Variants in TBC1D2B observed in about 807,000 individuals in gnomAD.
TBC1D2B encodes the protein TBC1 domain family, member 2B.
A neutral mutation model predicts 100.8 loss-of-function variants in TBC1D2B; 64 were observed. The ratio of observed to expected loss-of-function variants is 0.64; its 90% CI spans 0.52 to 0.78. The LOEUF (loss-of-function observed/expected upper bound fraction) is 0.78, where lower values mean the gene tolerates loss of function less well. Among genes scored for constraint, TBC1D2B ranks in the 30% least tolerant of loss-of-function variants. The pLI, the probability that TBC1D2B is intolerant of heterozygous loss-of-function variation, is 0.00. For synonymous variants in TBC1D2B, 480 were observed against 479.7 expected (o/e 1.00, Z -0.01); for missense variants, 1,052 against 1,218.4 (o/e 0.86, Z 2.03).
chr15:78,013,090 C>T lies in TBC1D2B; in HGVS notation c.2003G>A (p.Arg668His), dbSNP rs2072276496. Residue 668 changes from arginine to histidine, a missense_variant, in exon 9 of 13, where the codon CGT becomes CAT. By Grantham distance (29) the Arg-to-His change is conservative. Around this residue, in one of 4 missense-constraint regions of TBC1D2B, gnomAD observed 373 missense variants for 464.9 expected, o/e 0.80. Coordinates refer to ENST00000300584, the MANE Select transcript of TBC1D2B (RefSeq NM_144572.2). ...CACACACCACTTCCACACCTTGGAA[C>T]GGTGCTCGTGGGGAATGCCCGCACG... ...LIRAGIPHEH[R>H]SKVWKWCVDR... 6.2e-7 allele frequency: 1 copy of T among 1,613,986 alleles called. No individual in the cohort carries two copies. The highest frequency in any genetic ancestry group is 8.5e-7 in the Non-Finnish European group (1 of 1,179,878).
chr15:78,055,477 T>C (rs1222443375), intron 1 of TBC1D2B, among the ~76,000 whole-genome samples: 2 of 152,124 alleles, frequency 1.3e-5, no homozygotes, highest in African/African-American at 4.8e-5. Context: ...TCATCAACAC[T>C]GGCATCCAGT....
At chr15:78,001,009 A>G (rs2071897960) in intron 12 of TBC1D2B, among the ~76,000 whole-genome samples, 1 of 152,200 alleles carries the variant, frequency 6.6e-6, no homozygotes, top group Non-Finnish European at 1.5e-5. Flanking sequence ...TGAAGCCTCA[A>G]GTCCTGAGAG....
At chr15:78,011,644 G>GTTT (rs773624522) in intron 9 of TBC1D2B, among the ~76,000 whole-genome samples, 4 of 127,548 alleles carry the variant, frequency 3.1e-5, no homozygotes, top group Admixed American at 8.2e-5. Flanking sequence ...CTAATTTTTT[G>GTTT]GTTTTTTTTT....
intron 10 of TBC1D2B, among the ~76,000 whole-genome samples, chr15:78,007,636 A>G (rs1038462377): frequency 3.3e-5 from 5 of 152,202 alleles, no homozygotes; most frequent in Admixed American, 6.5e-5. Context: ...ATCCCTCTAA[A>G]TATGTGTCAC....
At chr15:78,031,833 T>C (rs2141721028) in intron 3 of TBC1D2B, among the ~76,000 whole-genome samples, 1 of 152,200 alleles carries the variant, frequency 6.6e-6, no homozygotes, top group East Asian at 1.9e-4. Context: ...ACCATGGTTT[T>C]TGGATATTGG....
At chr15:78,000,580 T>C (rs563250468) in intron 12 of TBC1D2B, among the ~76,000 whole-genome samples, 1 of 152,342 alleles carries the variant, frequency 6.6e-6, no homozygotes, top group Admixed American at 6.5e-5. Flanking sequence ...TTAGTAAGCC[T>C]GAAACTATTA....
At chr15:78,003,790 C>G (rs1184493311) in intron 10 of TBC1D2B, among the ~76,000 whole-genome samples, 6 of 152,164 alleles carry the variant, frequency 3.9e-5, no homozygotes, top group Admixed American at 3.9e-4. Flanking sequence ...GGGAAATAGG[C>G]CACTGCAAGC....
chr15:78,026,374 C>A (rs548196408), intron 4 of TBC1D2B, among the ~76,000 whole-genome samples: 2 of 151,984 alleles, frequency 1.3e-5, no homozygotes, highest in African/African-American at 4.8e-5. Context: ...AGTTTGGTCC[C>A]CTGGCTCTCC....
In TBC1D2B at chr15:78,077,653, C is replaced by A; in HGVS notation, c.-1G>T. The A allele has an allele frequency of 3.0e-6, 3 of 987,460 alleles. No homozygotes were observed. Among genetic ancestry groups the A allele is most frequent in the Non-Finnish European group, 3.6e-6 (3 of 831,772 alleles). 61.2% of individuals were successfully genotyped at this position (987,460 alleles called of 1,614,324 possible). On this transcript the variant is annotated 5_prime_UTR_variant, in exon 1 of 13. Coordinates refer to ENST00000300584, the MANE Select transcript of TBC1D2B (RefSeq NM_144572.2). ...CCGCCCGGGCTCCGGCCCCCGGCATCGCTACCGCGCGCCAACCGTAGGCGC... is the reference window on the plus strand; with the variant it reads ...CCGCCCGGGCTCCGGCCCCCGGCATAGCTACCGCGCGCCAACCGTAGGCGC...
intron 8 of TBC1D2B, among the ~76,000 whole-genome samples, chr15:78,015,703 G>C (rs2072355356): frequency 6.6e-6 from 1 of 152,210 alleles, no homozygotes; most frequent in South Asian, 2.1e-4. Flanking sequence ...CTTGTAAAGT[G>C]AGGATAAAAA....
intron 1 of TBC1D2B, among the ~76,000 whole-genome samples, chr15:78,069,207 AG>A (rs1300567392): frequency 6.6e-6 from 1 of 152,214 alleles, no homozygotes; most frequent in Non-Finnish European, 1.5e-5. Flanking sequence ...CCACAGAGGA[AG>A]GAAACTGGTA....
intron 8 of TBC1D2B, among the ~76,000 whole-genome samples, chr15:78,013,736 A>C (rs1313771317): frequency 6.6e-6 from 1 of 152,244 alleles, no homozygotes. Context: ...GATTAAAAAA[A>C]AACAAAGAAT....
chr15:78,057,670 C>CT (rs1291257831), intron 1 of TBC1D2B, among the ~76,000 whole-genome samples: 8 of 152,118 alleles, frequency 5.3e-5, no homozygotes, highest in Non-Finnish European at 1.2e-4. Flanking sequence ...CTAGAGATCA[C>CT]TAGAAGACTT....
At chr15:78,033,092 G>GT (rs1201438016) in intron 3 of TBC1D2B, among the ~76,000 whole-genome samples, 1 of 152,104 alleles carries the variant, frequency 6.6e-6, no homozygotes, top group Non-Finnish European at 1.5e-5. Context: ...AATATTTAAA[G>GT]TTTTAAGTAT....
chr15:78,031,704 TAA>T (rs2072820890), intron 3 of TBC1D2B, among the ~76,000 whole-genome samples: 1 of 152,104 alleles, frequency 6.6e-6, no homozygotes, highest in African/African-American at 2.4e-5. Flanking sequence ...AATATTTCAT[TAA>T]AAGTTTTAAA....
In TBC1D2B at chr15:78,076,217, C is replaced by A. The variant is rs530542091; in HGVS notation, c.360+1076G>T. Among the ~76,000 whole-genome samples the A allele has an allele frequency of 2.6e-5, 4 of 152,292 alleles. No homozygotes were observed. In the South Asian group the frequency reaches 8.3e-4, roughly 32 times the overall value. On this transcript the variant is annotated intron_variant, in intron 1 of 12. Coordinates refer to ENST00000300584, the MANE Select transcript of TBC1D2B (RefSeq NM_144572.2). ...CACCAGGACTCCTGACTCTACTCTC[C>A]TGCTTCTACACTGTATCTCTCATTT... is the stretch of plus-strand genomic sequence containing the variant.
intron 9 of TBC1D2B, among the ~76,000 whole-genome samples, chr15:78,010,598 A>G (rs957327772): frequency 6.6e-6 from 1 of 152,032 alleles, no homozygotes; most frequent in Non-Finnish European, 1.5e-5. Flanking sequence ...GGAGAGAAAA[A>G]CAAGACACGC....
At chr15:78,076,800 G>A (rs1217039679) in intron 1 of TBC1D2B, among the ~76,000 whole-genome samples, 1 of 152,212 alleles carries the variant, frequency 6.6e-6, no homozygotes, top group South Asian at 2.1e-4. Context: ...TTACTGAGCA[G>A]TTTAAAGTAT....
intron 8 of TBC1D2B, among the ~76,000 whole-genome samples, chr15:78,015,124 C>A (rs2072336241): frequency 6.6e-6 from 1 of 152,118 alleles, no homozygotes; most frequent in Non-Finnish European, 1.5e-5. Flanking sequence ...TGGCGTGAAC[C>A]CGGGAGGCGG....
Sources: gnomAD v4.1 joint callset for allele counts (sites outside exome capture counted in the v4.1 genomes callset) on GRCh38, gnomAD v4.1.1 for gene constraint, gnomAD v4.1.1 regional missense constraint, MANE v1.5 for transcripts, NCBI Gene and HGNC (gene_info 2026-07-23, HGNC 2026-07-21) for gene names.